Variants in FRK observed in about 807,000 individuals in gnomAD.
FRK encodes tyrosine-protein kinase FRK.
FRK carries 51 observed loss-of-function variants against 56.4 expected under a neutral mutation model. The observed-to-expected ratio is 0.90, with a 90% CI of 0.72 to 1.14. The LOEUF is 1.14. Among genes scored for constraint, FRK ranks in the 50% most tolerant of loss-of-function variants. The probability of loss-of-function intolerance (pLI) is 0.00; values close to 1 mark genes in which losing one functional copy is unlikely to be tolerated. For missense variants in FRK, 570 were observed against 601.4 expected (o/e 0.95, Z 0.55); for synonymous variants, 245 against 217.9 (o/e 1.12, Z -1.10).
At chr6:115,984,859 C>T (rs12661392) in intron 2 of FRK, among the ~76,000 whole-genome samples, 6,786 of 151,886 alleles carry the variant, frequency 0.045, 350 homozygotes, top group Admixed American at 0.15. Context: ...TTCGATGTGC[C>T]GATTTGGTGA....
chr6:116,042,836 G>T (rs1373978708), intron 1 of FRK, among the ~76,000 whole-genome samples: 1 of 151,940 alleles, frequency 6.6e-6, no homozygotes, highest in Non-Finnish European at 1.5e-5. Context: ...GTATTCAGGA[G>T]ATCCATCTCA....
At chr6:115,974,600 A>C (rs1467460934) in intron 2 of FRK, among the ~76,000 whole-genome samples, 5 of 152,156 alleles carry the variant, frequency 3.3e-5, no homozygotes, top group Non-Finnish European at 7.4e-5. Flanking sequence ...CTTTATTATT[A>C]AAATAAAAGA....
At chr6:116,087,381 T>C in the FRK span, among the ~76,000 whole-genome samples, 1 of 152,256 alleles carries the variant, frequency 6.6e-6, no homozygotes, top group Non-Finnish European at 1.5e-5. Context: ...TACCAGGTTA[T>C]ATTTATGCTA....
upstream of FRK, among the ~76,000 whole-genome samples, chr6:116,065,659 A>C (rs1777748253): frequency 6.6e-6 from 1 of 152,230 alleles, no homozygotes. Context: ...ATTAGACAGA[A>C]TTGACCACTC....
intron 1 of FRK, among the ~76,000 whole-genome samples, chr6:116,006,950 G>A (rs1015662130): frequency 5.9e-5 from 9 of 152,272 alleles, no homozygotes; most frequent in Non-Finnish European, 1.2e-4. Context: ...AAGAAAACAC[G>A]TTAGAAAACT....
At chr6:116,065,123 TC>T (rs763197464), upstream of FRK, among the ~76,000 whole-genome samples, 3 of 152,216 alleles carry the variant, frequency 2.0e-5, no homozygotes. Flanking sequence ...GCTCCCACAA[TC>T]CCCACTCCTA....
chr6:116,076,623 T>C, the FRK span, among the ~76,000 whole-genome samples: 1 of 152,224 alleles, frequency 6.6e-6, no homozygotes, highest in Non-Finnish European at 1.5e-5. Flanking sequence ...AATATCATTG[T>C]TGCACTTATT....
the FRK span, among the ~76,000 whole-genome samples, chr6:116,075,866 A>G: frequency 6.6e-6 from 1 of 152,214 alleles, no homozygotes; most frequent in African/African-American, 2.4e-5. Flanking sequence ...GGTGACAATG[A>G]AAGATAGAGG....
chr6:116,060,080 CCT>C lies in FRK; in HGVS notation c.230_231del (p.Glu77GlyfsTer26). 2 of 1,614,188 alleles carry C rather than the reference CCT, an allele frequency of 1.2e-6. No individual in the cohort carries two copies. Among genetic ancestry groups the C allele is most frequent in the African/African-American group, 2.7e-5 (2 of 75,038 alleles). ...DKLQVLDTLH[E>X]GWWFARHLEK... ...TCCAAGTGTCTGGCAAACCACCAGC[CCT>C]CATGCAAAGTGTCCAGAACTTGAAG... On this transcript the variant is annotated frameshift_variant, in exon 1 of 8. Transcript: ENST00000606080. LOFTEE classifies it high-confidence loss of function.
chr6:115,976,840 T>C (rs556223), intron 2 of FRK, among the ~76,000 whole-genome samples: 284 of 152,264 alleles, frequency 1.9e-3, no homozygotes, highest in African/African-American at 6.5e-3. Context: ...TAATGTACAA[T>C]GTGTGAATAC....
the FRK span, among the ~76,000 whole-genome samples, chr6:116,096,422 AAATGCACT>A: frequency 6.6e-6 from 1 of 152,232 alleles, no homozygotes; most frequent in African/African-American, 2.4e-5. Flanking sequence ...AAAGGATTGT[AAATGCACT>A]AATCAGCACT....
chr6:116,086,792 C>A, the FRK span, among the ~76,000 whole-genome samples: 4 of 152,188 alleles, frequency 2.6e-5, no homozygotes, highest in Non-Finnish European at 4.4e-5. Flanking sequence ...AATGGGAATT[C>A]ATTCATTCAT....
chr6:116,022,671 G>A (rs1775920474), intron 1 of FRK, among the ~76,000 whole-genome samples: 1 of 152,126 alleles, frequency 6.6e-6, no homozygotes. Flanking sequence ...ATTCTGAAAA[G>A]GGGCAACAAT....
chr6:116,067,436 C>T, the FRK span, among the ~76,000 whole-genome samples: 1 of 151,568 alleles, frequency 6.6e-6, no homozygotes, highest in South Asian at 2.1e-4. Context: ...TCTGTATTTA[C>T]GTCTTCTATT....
intron 1 of FRK, among the ~76,000 whole-genome samples, chr6:116,029,786 T>C (rs1776232208): frequency 1.3e-5 from 2 of 152,240 alleles, no homozygotes; most frequent in African/African-American, 4.8e-5. Flanking sequence ...CAAATCCAGA[T>C]CTATCAGTCA....
chr6:116,083,765 G>A, the FRK span, among the ~76,000 whole-genome samples: 1 of 151,928 alleles, frequency 6.6e-6, no homozygotes, highest in African/African-American at 2.4e-5. Flanking sequence ...TCAAACTACT[G>A]GGCTGGAGTG....
At chr6:115,968,419 C>T (rs1453029290) in intron 3 of FRK, among the ~76,000 whole-genome samples, 157 bp downstream of exon 3, 3 of 152,082 alleles carry the variant, frequency 2.0e-5, no homozygotes, top group African/African-American at 2.4e-5. Flanking sequence ...AACAAGCATA[C>T]GTCAGTGTGA....
At chr6:116,033,371 G>C (rs1317236157) in intron 1 of FRK, among the ~76,000 whole-genome samples, 1 of 151,984 alleles carries the variant, frequency 6.6e-6, no homozygotes, top group African/African-American at 2.4e-5. Flanking sequence ...AATTACTTAG[G>C]GATAATTTGT....
chr6:116,010,249 G>T (rs1775414532), intron 1 of FRK, among the ~76,000 whole-genome samples: 1 of 151,790 alleles, frequency 6.6e-6, no homozygotes, highest in African/African-American at 2.4e-5. Flanking sequence ...AAAATTATAT[G>T]TGCTTACTTT....
Sources: allele counts gnomAD v4.1 joint callset (sites outside exome capture counted in the v4.1 genomes callset), GRCh38; gene constraint gnomAD v4.1.1; transcripts MANE v1.5; gene names NCBI Gene and HGNC (gene_info 2026-07-23, HGNC 2026-07-21).